PPM1E: variants seen among roughly 807,000 people sequenced by gnomAD.
The protein encoded by PPM1E is protein phosphatase 1E.
PPM1E carries 20 observed loss-of-function variants against 65.9 expected under a neutral mutation model. That is an observed-to-expected ratio of 0.30 (90% CI 0.21 to 0.44). PPM1E has a LOEUF of 0.44. Among genes scored for constraint, PPM1E ranks in the 20% least tolerant of loss-of-function variants. The pLI, the probability that PPM1E is intolerant of heterozygous loss-of-function variation, is 1.00. For missense variants in PPM1E, 713 were observed against 953.1 expected (o/e 0.75, Z 3.32); for synonymous variants, 352 against 374.9 (o/e 0.94, Z 0.70).
At chr17:58,881,644 G>C (rs543975053) in intron 1 of PPM1E, among the ~76,000 whole-genome samples, 4 of 152,134 alleles carry the variant, frequency 2.6e-5, no homozygotes, top group African/African-American at 7.2e-5. Context: ...CCTGGTGACA[G>C]AGTGAGATTC....
intron 1 of PPM1E, among the ~76,000 whole-genome samples, chr17:58,825,860 G>A (rs1307530160): frequency 1.3e-5 from 2 of 151,916 alleles, no homozygotes; most frequent in Admixed American, 6.6e-5. Flanking sequence ...ATGAGCCACC[G>A]CACGCAGCCC....
intron 1 of PPM1E, among the ~76,000 whole-genome samples, chr17:58,910,602 A>G (rs1195114424): frequency 6.6e-6 from 1 of 152,220 alleles, no homozygotes; most frequent in Admixed American, 6.5e-5. Context: ...TGCTATAAAT[A>G]GCCCTTTAGT....
chr17:58,768,265 G>C (rs1243941466), intron 1 of PPM1E, among the ~76,000 whole-genome samples: 5 of 151,904 alleles, frequency 3.3e-5, no homozygotes, highest in Admixed American at 1.3e-4. Context: ...TTTTAAAATA[G>C]AGATGGCGGT....
chr17:58,842,288 A>G (rs1039180675), intron 1 of PPM1E, among the ~76,000 whole-genome samples: 3 of 152,250 alleles, frequency 2.0e-5, no homozygotes, highest in African/African-American at 7.2e-5. Context: ...TAAACGTAAT[A>G]TAGTGGCATC....
chr17:58,802,789 G>C (rs2050270784), intron 1 of PPM1E, among the ~76,000 whole-genome samples: 1 of 151,786 alleles, frequency 6.6e-6, no homozygotes, highest in Non-Finnish European at 1.5e-5. Context: ...TATTACTTTT[G>C]ATGTTACTGT....
chr17:58,884,753 G>A (rs559631476), intron 1 of PPM1E, among the ~76,000 whole-genome samples: 1 of 151,846 alleles, frequency 6.6e-6, no homozygotes, highest in Non-Finnish European at 1.5e-5. Flanking sequence ...GTAACATGGG[G>A]GATAATACTT....
chr17:58,832,666 TAC>T (rs1335704791), intron 1 of PPM1E, among the ~76,000 whole-genome samples: 6 of 152,182 alleles, frequency 3.9e-5, no homozygotes, highest in African/African-American at 1.4e-4. Flanking sequence ...GCAAAAATAG[TAC>T]AGAGTTCAGA....
chr17:58,951,204 G>A, intron 1 of PPM1E: 1 of 152,250 alleles, frequency 6.6e-6, no homozygotes, highest in Non-Finnish European at 1.5e-5. Flanking sequence ...GATGGCTCAT[G>A]CCTATAGTCC....
chr17:58,908,883 C>T (rs1385718996), intron 1 of PPM1E, among the ~76,000 whole-genome samples: 1 of 152,170 alleles, frequency 6.6e-6, no homozygotes, highest in Non-Finnish European at 1.5e-5. Flanking sequence ...ACTCCTACCT[C>T]CCATCCCTTG....
intron 3 of PPM1E, 135 bp from the exon 4 acceptor site, chr17:58,969,404 A>G: frequency 1.1e-6 from 1 of 873,114 alleles, no homozygotes; most frequent in Non-Finnish European, 1.9e-6. Flanking sequence ...TAGAGAAGGA[A>G]AACATTTAGT....
chr17:58,799,908 T>C (rs1178613271), intron 1 of PPM1E, among the ~76,000 whole-genome samples: 2 of 152,222 alleles, frequency 1.3e-5, no homozygotes, highest in African/African-American at 2.4e-5. Context: ...TTAGGTAATG[T>C]AAATTATCCA....
At chr17:58,762,417 C>A (rs1407462554) in intron 1 of PPM1E, among the ~76,000 whole-genome samples, 1 of 151,832 alleles carries the variant, frequency 6.6e-6, no homozygotes, top group Non-Finnish European at 1.5e-5. Flanking sequence ...GAACCATGAT[C>A]ATGTCACTGC....
intron 1 of PPM1E, among the ~76,000 whole-genome samples, chr17:58,878,086 TAAC>T (rs1232100150): frequency 6.6e-6 from 1 of 152,128 alleles, no homozygotes; most frequent in African/African-American, 2.4e-5. Flanking sequence ...AACTTCCAAA[TAAC>T]AAAAGAAAGA....
chr17:58,950,892 C>A (rs2052227793), intron 1 of PPM1E, among the ~76,000 whole-genome samples: 1 of 151,542 alleles, frequency 6.6e-6, no homozygotes, highest in Non-Finnish European at 1.5e-5. Flanking sequence ...CATTCTCCTG[C>A]CTCAGCCTCC....
intron 1 of PPM1E, among the ~76,000 whole-genome samples, chr17:58,836,977 G>A (rs1356609933): frequency 1.5e-5 from 2 of 136,756 alleles, no homozygotes; most frequent in South Asian, 2.4e-4. Flanking sequence ...CCGAGATCCC[G>A]CCACTGCACT....
At chr17:58,765,183 T>TC in intron 1 of PPM1E, among the ~76,000 whole-genome samples, 1 of 148,802 alleles carries the variant, frequency 6.7e-6, no homozygotes, top group East Asian at 1.9e-4. Flanking sequence ...TTCTTTCTTT[T>TC]TTTTTTTTTT....
At chr17:58,941,485 G>A (rs1352988966) in intron 1 of PPM1E, among the ~76,000 whole-genome samples, 1 of 150,886 alleles carries the variant, frequency 6.6e-6, no homozygotes, top group Non-Finnish European at 1.5e-5. Context: ...ATGAGGTCAA[G>A]AGATCGAGAC....
intron 1 of PPM1E, among the ~76,000 whole-genome samples, chr17:58,926,117 G>A (rs1229022095): frequency 6.6e-6 from 1 of 152,072 alleles, no homozygotes; most frequent in Non-Finnish European, 1.5e-5. Flanking sequence ...GAGATGGGCG[G>A]ATCACTTGAG....
chr17:58,956,403 TCCAG>T (rs1375306493), intron 2 of PPM1E, among the ~76,000 whole-genome samples: 1 of 150,034 alleles, frequency 6.7e-6, no homozygotes, highest in Non-Finnish European at 1.5e-5. Flanking sequence ...GCCACTGCAC[TCCAG>T]CCTGGGAGAA....
Sources: gnomAD v4.1 joint callset for allele counts (sites outside exome capture counted in the v4.1 genomes callset) on GRCh38, gnomAD v4.1.1 for gene constraint, MANE v1.5 for transcripts, NCBI Gene and HGNC (gene_info 2026-07-23, HGNC 2026-07-21) for gene names.